Variants in EPHB1 observed in about 807,000 individuals in gnomAD.
EPHB1 encodes the protein ephrin type-B receptor 1.
In EPHB1, 30 loss-of-function variants were observed where a neutral mutation model predicts 94.4. The ratio of observed to expected loss-of-function variants is 0.32; its 90% CI spans 0.24 to 0.43. EPHB1 has a LOEUF of 0.43. Among genes scored for constraint, EPHB1 ranks in the 20% least tolerant of loss-of-function variants. The pLI is 1.00. For synonymous variants in EPHB1, 522 were observed against 489.1 expected (o/e 1.07, Z -0.89); for missense variants, 1,055 against 1,308.3 (o/e 0.81, Z 2.99).
chr3:135,079,113 GCAAAAACCCC>G lies in EPHB1; in HGVS notation c.806-27326_806-27317del, dbSNP rs374265863. Among the ~76,000 whole-genome samples the G allele has an allele frequency of 7.5e-3, 1,126 of 150,290 alleles. 9 individuals are homozygous for G. Among genetic ancestry groups the G allele is most frequent in the African/African-American group, 0.026 (1,056 of 40,876 alleles). ...AAAAAAAAACAAAACAAACAAACAA[GCAAAAACCCC>G]CAAAAACCAAAGAAACACTAAACAG... On this transcript the variant is annotated intron_variant, in intron 3 of 15. Transcript: ENST00000398015.
chr3:135,067,846 C>T (rs1470001010), intron 3 of EPHB1: 1 of 152,246 alleles, frequency 6.6e-6, no homozygotes, highest in East Asian at 1.9e-4. Flanking sequence ...ACCCAGTGGG[C>T]TCCCAGAGCC....
At chr3:135,212,834 T>C (rs555597047) in intron 12 of EPHB1, among the ~76,000 whole-genome samples, 7 of 152,362 alleles carry the variant, frequency 4.6e-5, no homozygotes, top group African/African-American at 1.7e-4. Flanking sequence ...ATTTTCTTTT[T>C]CCTTCTCTTG....
chr3:135,006,599 A>G (rs1246614962), intron 3 of EPHB1, among the ~76,000 whole-genome samples: 1 of 152,220 alleles, frequency 6.6e-6, no homozygotes, highest in Non-Finnish European at 1.5e-5. Flanking sequence ...GGAGGCTGAG[A>G]GAGGAAGATT....
intron 13 of EPHB1, among the ~76,000 whole-genome samples, chr3:135,242,612 A>G (rs1943813234): frequency 6.6e-6 from 1 of 152,104 alleles, no homozygotes; most frequent in Non-Finnish European, 1.5e-5. Context: ...GAAGTCAACT[A>G]TGGCTGGTGT....
chr3:135,000,773 A>G (rs776275429), intron 3 of EPHB1, among the ~76,000 whole-genome samples: 1 of 152,150 alleles, frequency 6.6e-6, no homozygotes, highest in Non-Finnish European at 1.5e-5. Context: ...TTTAAAAATC[A>G]CACCTTCTAT....
chr3:135,063,928 A>G lies in EPHB1; in HGVS notation c.806-42520A>G, dbSNP rs183016965. Among the ~76,000 whole-genome samples the G allele has an allele frequency of 1.8e-3, 267 of 151,868 alleles. 1 individual carries two copies. The highest frequency in any genetic ancestry group is 6.2e-3 in the African/African-American group (257 of 41,420). ...AGAGATGCTGGATTTTTTCGAATGC[A>G]TTTTCTGCATCTATTGAGATGATTA... On this transcript the variant is annotated intron_variant, in intron 3 of 15. Transcript: ENST00000398015.
intron 4 of EPHB1, among the ~76,000 whole-genome samples, chr3:135,127,874 C>T (rs1940267170): frequency 6.6e-6 from 1 of 152,160 alleles, no homozygotes; most frequent in African/African-American, 2.4e-5. Context: ...AAGCCAACCT[C>T]TCAGGCACAT....
intron 3 of EPHB1, among the ~76,000 whole-genome samples, chr3:135,080,775 A>G (rs1035130773): frequency 6.6e-5 from 10 of 152,168 alleles, no homozygotes; most frequent in African/African-American, 2.4e-4. Context: ...GTGAAATGGT[A>G]TAATAATAGC....
intron 3 of EPHB1, among the ~76,000 whole-genome samples, chr3:135,064,222 G>C (rs1177780647): frequency 6.6e-6 from 1 of 152,112 alleles, no homozygotes; most frequent in Non-Finnish European, 1.5e-5. Context: ...ATGAATTAGG[G>C]AGGGTTCCAC....
At chr3:135,128,828 G>C (rs1194479379) in intron 4 of EPHB1, among the ~76,000 whole-genome samples, 1 of 152,098 alleles carries the variant, frequency 6.6e-6, no homozygotes, top group Non-Finnish European at 1.5e-5. Context: ...AATAATGAAT[G>C]GTCATTTTTT....
At chr3:135,224,668 T>G (rs749094944) in intron 12 of EPHB1, among the ~76,000 whole-genome samples, 19 of 152,348 alleles carry the variant, frequency 1.2e-4, no homozygotes, top group Middle Eastern at 3.4e-3. Context: ...CATCCATTGA[T>G]GAGTCTTATC....
At chr3:135,066,387 T>C (rs1451543891) in intron 3 of EPHB1, among the ~76,000 whole-genome samples, 1 of 152,226 alleles carries the variant, frequency 6.6e-6, no homozygotes, top group Admixed American at 6.5e-5. Flanking sequence ...GGAGGCTTTG[T>C]TCATGTTTTC....
chr3:135,024,524 G>A (rs998294071), intron 3 of EPHB1, among the ~76,000 whole-genome samples: 2 of 152,172 alleles, frequency 1.3e-5, no homozygotes, highest in Non-Finnish European at 2.9e-5. Context: ...CTAGTTCCCA[G>A]CCAGAGCAGA....
At chr3:135,173,572 A>C (rs1433815909) in intron 9 of EPHB1, among the ~76,000 whole-genome samples, 1 of 152,114 alleles carries the variant, frequency 6.6e-6, no homozygotes, top group African/African-American at 2.4e-5. Context: ...CCCTGCTCTC[A>C]TGGAAAAAGA....
chr3:135,029,254 G>A (rs912353012), intron 3 of EPHB1, among the ~76,000 whole-genome samples: 2 of 149,230 alleles, frequency 1.3e-5, no homozygotes, highest in African/African-American at 4.9e-5. Flanking sequence ...GTGTGAATTT[G>A]ATCCTGTCAT....
At chr3:135,174,675 G>T (rs888219408) in intron 9 of EPHB1, among the ~76,000 whole-genome samples, 4 of 152,244 alleles carry the variant, frequency 2.6e-5, no homozygotes, top group South Asian at 2.1e-4. Context: ...TGAGGAAAAG[G>T]GTTGATCAAC....
At chr3:135,178,224 A>ATGGG (rs1553744896) in intron 9 of EPHB1, among the ~76,000 whole-genome samples, 6 of 139,422 alleles carry the variant, frequency 4.3e-5, no homozygotes, top group Admixed American at 4.2e-4. Flanking sequence ...GAGGCCGGGG[A>ATGGG]GGGGGGGTGG....
intron 3 of EPHB1, among the ~76,000 whole-genome samples, chr3:134,992,052 T>G (rs111781607): frequency 4.2e-4 from 64 of 152,324 alleles, no homozygotes; most frequent in African/African-American, 1.5e-3. Flanking sequence ...TTTTTTTAGC[T>G]GCATTTTAGA....
intron 3 of EPHB1, among the ~76,000 whole-genome samples, chr3:135,001,859 T>C (rs1327475327): frequency 6.6e-6 from 1 of 152,222 alleles, no homozygotes; most frequent in Non-Finnish European, 1.5e-5. Context: ...CCATAACTTA[T>C]TTAACTAGTC....
Sources: gnomAD v4.1 joint callset for allele counts (sites outside exome capture counted in the v4.1 genomes callset) on GRCh38, gnomAD v4.1.1 for gene constraint, MANE v1.5 for transcripts, NCBI Gene and HGNC (gene_info 2026-07-23, HGNC 2026-07-21) for gene names.